SPTBN4: variants seen among roughly 807,000 people sequenced by gnomAD.
The protein encoded by SPTBN4 is spectrin beta chain, non-erythrocytic 4.
Under a neutral mutation model 277.8 loss-of-function variants are expected in SPTBN4, and 96 were observed. That is an observed-to-expected ratio of 0.35 (90% CI 0.29 to 0.41). The LOEUF (loss-of-function observed/expected upper bound fraction) is 0.41, where lower values mean the gene tolerates loss of function less well. SPTBN4 is among the 10% of genes least tolerant of loss of function. The pLI is 1.00. For missense variants in SPTBN4, 3,006 were observed against 3,595.7 expected, an observed-to-expected ratio of 0.84 and a Z score of 4.19; for synonymous variants, 1,481 against 1,580.3, an observed-to-expected ratio of 0.94 and a Z score of 1.49.
At position 40,569,714 on chromosome 19, in the gene SPTBN4, G is replaced by A. The variant is rs1275048456; in HGVS notation, c.7014G>A (p.Gly2338=). ...TGCAGGAGAAAGAGGCAGGCCCAGGGCTGCCTGCTGGGGTAAGTTGAGCCT... is the reference window on the plus strand; with the variant it reads ...TGCAGGAGAAAGAGGCAGGCCCAGGACTGCCTGCTGGGGTAAGTTGAGCCT... ...EQLQEKEAGP[G]LPAGPSLPQP... The change falls in exon 32 of 36, where the codon GGG becomes GGA. Residue 2338 remains glycine, a synonymous_variant. Coordinates refer to ENST00000598249, the MANE Select transcript of SPTBN4 (RefSeq NM_020971.3). 6.8e-6 allele frequency: 11 copies of A among 1,611,822 alleles called. No individual in the cohort carries two copies. Among genetic ancestry groups the A allele is most frequent in the South Asian group, 1.1e-5 (1 of 90,906 alleles).
At chr19:40,475,623 G>A (rs1277554564) in intron 2 of SPTBN4, among the ~76,000 whole-genome samples, 1 of 151,858 alleles carries the variant, frequency 6.6e-6, no homozygotes, top group Non-Finnish European at 1.5e-5. Flanking sequence ...CACCATGCCT[G>A]GCTAATTTTT....
intron 2 of SPTBN4, among the ~76,000 whole-genome samples, chr19:40,486,476 C>A (rs891791912): frequency 2.0e-5 from 3 of 151,760 alleles, no homozygotes; most frequent in East Asian, 1.9e-4. Flanking sequence ...GCCAAGCGAT[C>A]CTCCTGCCTC....
In SPTBN4 at chr19:40,490,677, G is replaced by T. The variant is rs192507594; in HGVS notation, c.495+429G>T. The stretch of plus-strand genomic sequence containing the variant: ...TGTGCCTTTTAGGAGCTTACATTGT[G>T]GTGAGGAAGACAGATAATAAATACA... On this transcript the variant is annotated intron_variant, in intron 4 of 35. Coordinates refer to ENST00000598249, the MANE Select transcript of SPTBN4 (RefSeq NM_020971.3). The surrounding 1 kb of genome is among the most constrained non-coding windows in gnomAD (Gnocchi z 4.3). 3.0e-4 allele frequency among the ~76,000 whole-genome samples: 45 copies of T among 152,114 alleles called. No homozygotes were observed. Among genetic ancestry groups the T allele is most frequent in the African/African-American group, 1.1e-3 (44 of 41,534 alleles).
intron 18 of SPTBN4, 131 bp downstream of exon 18, chr19:40,529,262 G>A: frequency 1.2e-6 from 1 of 803,826 alleles, no homozygotes; most frequent in Admixed American, 2.5e-5. Flanking sequence ...TAAGCCGCCA[G>A]GGGGCGCGCG....
chr19:40,566,582 T>C (rs1186101196), intron 30 of SPTBN4, among the ~76,000 whole-genome samples: 1 of 151,768 alleles, frequency 6.6e-6, no homozygotes, highest in Non-Finnish European at 1.5e-5. Context: ...AGCAGAGGGA[T>C]AGTGCCTGGG....
chr19:40,565,856 C>T (rs2145950978), intron 29 of SPTBN4, 111 bp downstream of exon 29: 1 of 1,197,374 alleles, frequency 8.4e-7, no homozygotes, highest in East Asian at 2.6e-5. Flanking sequence ...ACCCATGGGT[C>T]TCCAGAAGCA....
At chr19:40,565,345 G>A (rs1197570354) in intron 27 of SPTBN4, 78 bp from the exon 28 acceptor site, 1 of 1,524,392 alleles carries the variant, frequency 6.6e-7, no homozygotes, top group Non-Finnish European at 8.8e-7. Context: ...AAGGATTTGG[G>A]GTCACCAGGA....
At chr19:40,535,659 G>A (rs1382676376) in intron 20 of SPTBN4, among the ~76,000 whole-genome samples, 2 of 152,148 alleles carry the variant, frequency 1.3e-5, no homozygotes, top group Non-Finnish European at 2.9e-5. Context: ...CCAGCTGGGT[G>A]TGGTGGCTCA....
intron 20 of SPTBN4, among the ~76,000 whole-genome samples, chr19:40,536,895 C>T (rs56198507): frequency 0.18 from 26,757 of 152,036 alleles, 2,482 homozygotes; most frequent in Non-Finnish European, 0.2. Context: ...AAGTGATGCT[C>T]CTCCCTCAGT....
chr19:40,534,296 C>G lies in SPTBN4; in HGVS notation c.4312C>G (p.Pro1438Ala). The change falls in exon 20 of 36, where the codon CCT (proline) becomes GCT (alanine). Residue 1438 changes from proline (P) to alanine (A), a missense_variant. Physicochemically the swap from Pro to Ala is conservative, Grantham distance 27. Around this residue, in one of 5 missense-constraint regions of SPTBN4, gnomAD observed 1,759 missense variants for 2,061.5 expected, o/e 0.85. Coordinates refer to ENST00000598249, the MANE Select transcript of SPTBN4 (RefSeq NM_020971.3). ...GGAGAGCCAGCTGCAAGACGTGGAC[C>G]CTGGAGGAGACCTGGCCACTGTCAA... ...HMESQLQDVDPGGDLATVNSQ... is the reference protein window; with the variant it reads ...HMESQLQDVDAGGDLATVNSQ... 1 of 1,613,988 alleles carries G rather than the reference C, an allele frequency of 6.2e-7. No individual in the cohort carries two copies. The highest frequency in any genetic ancestry group is 8.5e-7 in the Non-Finnish European group (1 of 1,180,032).
At chr19:40,532,484 C>G (rs2080687508) in intron 18 of SPTBN4, 141 bp from the exon 19 acceptor site, 1 of 1,097,910 alleles carries the variant, frequency 9.1e-7, no homozygotes, top group Non-Finnish European at 1.2e-6. Flanking sequence ...GCCTCACTTG[C>G]AAAGGTTTTT....
At position 40,575,681 on chromosome 19, in the gene SPTBN4, C is replaced by G; in HGVS notation, c.*112C>G. 7.5e-7 allele frequency: 1 copy of G among 1,325,476 alleles called. No individual in the cohort carries two copies. Among genetic ancestry groups the G allele is most frequent in the Non-Finnish European group, 1.0e-6 (1 of 998,162 alleles). 82.1% of individuals were successfully genotyped at this position (1,325,476 alleles called of 1,614,324 possible). On this transcript the variant is annotated 3_prime_UTR_variant, in exon 36 of 36. Coordinates refer to ENST00000598249, the MANE Select transcript of SPTBN4 (RefSeq NM_020971.3). ...GAGCCCCTAGTTCCAACACTGAGGA[C>G]GCGTGACATGGTGGGCACCGGAAAG...
chr19:40,566,031 C>G, intron 29 of SPTBN4, 132 bp from the exon 30 acceptor site: 1 of 955,106 alleles, frequency 1.0e-6, no homozygotes, highest in South Asian at 1.8e-5. Context: ...CTCTGCCATT[C>G]CTGCAGAGCC....
rs889761015 is a variant in SPTBN4 at position 40,490,966 on chromosome 19, C to T, written c.495+718C>T. On this transcript the variant is annotated intron_variant, in intron 4 of 35. Transcript: ENST00000598249. This position sits in a 1 kb window ranked among gnomAD's most constrained non-coding sequence, Gnocchi z 4.3. The stretch of plus-strand genomic sequence containing the variant: ...CTGAGGCAGGAGGATCACTTGAGCC[C>T]AGCAGTGTGAGGCTGCCGTGAGCTA... Among the ~76,000 whole-genome samples the T allele has an allele frequency of 6.6e-6, 1 of 151,796 alleles. No individual in the cohort carries two copies. The highest frequency in any genetic ancestry group is 1.5e-5 in the Non-Finnish European group (1 of 67,944).
chr19:40,570,547 C>A lies in SPTBN4; in HGVS notation c.7138C>A (p.Pro2380Thr). ...DRPRARDRPKPRRRPRPREGG... is the reference protein window; with the variant it reads ...DRPRARDRPKTRRRPRPREGG... ...GCCCCGGGCGCGGGACCGGCCCAAG[C>A]CGCGACGGCGGCCGCGGCCCAGAGA... The change falls in exon 33 of 36, where the codon CCG becomes ACG. Residue 2380 changes from proline (P) to threonine (T), a missense_variant. Pro to Thr is a conservative substitution (Grantham distance 38). This residue lies in a region of SPTBN4 where 630 missense variants were observed against 677.6 expected (regional missense o/e 0.93). Transcript: ENST00000598249. The A allele has an allele frequency of 7.3e-7, 1 of 1,362,418 alleles. No homozygotes were observed. Among genetic ancestry groups the A allele is most frequent in the Non-Finnish European group, 9.4e-7 (1 of 1,062,414 alleles). The allele number at this position is 1,362,418 out of a possible 1,614,324, so 84.4% of individuals were successfully genotyped here.
intron 22 of SPTBN4, among the ~76,000 whole-genome samples, chr19:40,552,602 T>C (rs1160552362): frequency 6.6e-6 from 1 of 151,968 alleles, no homozygotes; most frequent in African/African-American, 2.4e-5. Context: ...CACCAAACAA[T>C]GTATGTTGGA....
At position 40,546,124 on chromosome 19, in the gene SPTBN4, C is replaced by T. The variant is rs368258266; in HGVS notation, c.4360-3065C>T. Among the ~76,000 whole-genome samples, 317 of 145,272 alleles carry T rather than the reference C, an allele frequency of 2.2e-3. 3 individuals carry two copies. Among genetic ancestry groups the T allele is most frequent in the African/African-American group, 7.8e-3 (305 of 38,952 alleles). On this transcript the variant is annotated intron_variant, in intron 20 of 35. Coordinates refer to ENST00000598249, the MANE Select transcript of SPTBN4 (RefSeq NM_020971.3). ...CCTGTGATCCCAGCTACTCGGGAGG[C>T]GGAGGCAGGAGAATCACTTGAACTG... is the stretch of plus-strand genomic sequence containing the variant.
rs565236780 is a variant in SPTBN4, at chr19:40,478,577, G to A, written c.169+5787G>A. ...TTTATTTTTTTTGAGACAGAGTCTC[G>A]CTCTGTCACCCAGGCTGGAGTGCAA... On this transcript the variant is annotated intron_variant, in intron 2 of 35. Coordinates refer to ENST00000598249, the MANE Select transcript of SPTBN4 (RefSeq NM_020971.3). 4.6e-5 allele frequency among the ~76,000 whole-genome samples: 7 copies of A among 151,952 alleles called. No individual in the cohort carries two copies. The South Asian group carries it at 6.2e-4, about 14-fold the overall frequency.
At chr19:40,501,034 G>A (rs1198333306) in intron 7 of SPTBN4, among the ~76,000 whole-genome samples, 1 of 152,052 alleles carries the variant, frequency 6.6e-6, no homozygotes, top group Non-Finnish European at 1.5e-5. Flanking sequence ...AATAACATGA[G>A]GATTATCAAC....
Sources: gnomAD v4.1 joint callset for allele counts (sites outside exome capture counted in the v4.1 genomes callset) on GRCh38, gnomAD v4.1.1 for gene constraint, gnomAD v4.1.1 regional missense constraint, Gnocchi (gnomAD v3.1) non-coding constraint, MANE v1.5 for transcripts, NCBI Gene and HGNC (gene_info 2026-07-23, HGNC 2026-07-21) for gene names.